Variants in B3GALT1 observed in about 807,000 individuals in gnomAD.
The protein encoded by B3GALT1 is beta-1,3-galactosyltransferase 1.
A neutral mutation model predicts 23.2 loss-of-function variants in B3GALT1; 10 were observed. The observed-to-expected ratio is 0.43, with a 90% confidence interval of 0.27 to 0.73. The LOEUF is 0.73. Among genes scored for constraint, B3GALT1 ranks in the 30% least tolerant of loss-of-function variants. B3GALT1 has a pLI of 0.21. For missense variants in B3GALT1, 299 were observed against 405.4 expected, an observed-to-expected ratio of 0.74 and a Z score of 2.25; for synonymous variants, 156 against 141.5, an observed-to-expected ratio of 1.10 and a Z score of -0.73.
chr2:167,647,409 A>C (rs1484738050), intron 3 of B3GALT1, among the ~76,000 whole-genome samples: 1 of 152,172 alleles, frequency 6.6e-6, no homozygotes, highest in Admixed American at 6.5e-5. Context: ...CATTTCTCTC[A>C]TCCCATAAGT....
intron 3 of B3GALT1, among the ~76,000 whole-genome samples, chr2:167,685,971 T>C (rs1409687358): frequency 6.6e-6 from 1 of 152,220 alleles, no homozygotes; most frequent in African/African-American, 2.4e-5. Context: ...TATTATTGGT[T>C]TGCTTTACTG....
intron 2 of B3GALT1, among the ~76,000 whole-genome samples, chr2:167,624,918 A>G (rs985978177): frequency 5.3e-5 from 8 of 152,004 alleles, no homozygotes; most frequent in East Asian, 1.9e-4. Flanking sequence ...AGATTGGTCA[A>G]TTCTAACTGA....
chr2:167,619,305 AC>A (rs1457208055), intron 2 of B3GALT1, among the ~76,000 whole-genome samples: 1 of 151,868 alleles, frequency 6.6e-6, no homozygotes, highest in East Asian at 1.9e-4. Flanking sequence ...TTACTCTCTA[AC>A]ACATATCACA....
intron 2 of B3GALT1, among the ~76,000 whole-genome samples, chr2:167,560,625 T>G (rs1442853383): frequency 2.7e-5 from 4 of 150,712 alleles, no homozygotes; most frequent in Non-Finnish European, 5.9e-5. Context: ...ACCAAGCAAA[T>G]GGAAAACAAA....
At chr2:167,350,000 A>G (rs1328041960) in intron 1 of B3GALT1, among the ~76,000 whole-genome samples, 1 of 152,244 alleles carries the variant, frequency 6.6e-6, no homozygotes, top group Non-Finnish European at 1.5e-5. Flanking sequence ...ACGTTTTATA[A>G]AAGGTCTGAT....
rs549441967 is a variant in B3GALT1, at chr2:167,811,496, A to G, written c.-351-7176A>G. Among the ~76,000 whole-genome samples, 3 of 152,320 alleles carry G rather than the reference A, an allele frequency of 2.0e-5. No homozygotes were observed. In the East Asian group the frequency reaches 5.8e-4, roughly 29 times the overall value. On this transcript the variant is annotated intron_variant, in intron 3 of 4. Transcript: ENST00000392690. ...CTCATCAATAAAAACCTATGGTGAG[A>G]AAAGAACTTTATGCTTCAGAGGAAA... is the stretch of plus-strand genomic sequence containing the variant.
At chr2:167,682,851 T>C (rs1340533670) in intron 3 of B3GALT1, among the ~76,000 whole-genome samples, 1 of 152,212 alleles carries the variant, frequency 6.6e-6, no homozygotes, top group Non-Finnish European at 1.5e-5. Context: ...AAGAAGGAAA[T>C]AATATGTATA....
intron 2 of B3GALT1, among the ~76,000 whole-genome samples, chr2:167,578,285 A>G (rs988843): frequency 0.11 from 16,395 of 151,960 alleles, 1,909 homozygotes; most frequent in African/African-American, 0.29. Context: ...TCCTGATTAC[A>G]GATGTGAAAA....
intron 3 of B3GALT1, among the ~76,000 whole-genome samples, chr2:167,805,460 G>C (rs548501710): frequency 1.3e-5 from 2 of 152,246 alleles, no homozygotes; most frequent in African/African-American, 4.8e-5. Flanking sequence ...TATGGTTTTA[G>C]GTCTAACATT....
chr2:167,327,034 T>A (rs1696907302), intron 1 of B3GALT1, among the ~76,000 whole-genome samples: 1 of 152,104 alleles, frequency 6.6e-6, no homozygotes, highest in Admixed American at 6.5e-5. Context: ...CAATGTATGT[T>A]CTTGACAGGT....
At chr2:167,842,423 T>C (rs113567347) in intron 4 of B3GALT1, among the ~76,000 whole-genome samples, 3 of 152,346 alleles carry the variant, frequency 2.0e-5, no homozygotes, top group African/African-American at 7.2e-5. Flanking sequence ...TATACTGAAA[T>C]AAATCGTAAG....
At chr2:167,597,306 G>A (rs1217894556) in intron 2 of B3GALT1, among the ~76,000 whole-genome samples, 2 of 151,690 alleles carry the variant, frequency 1.3e-5, no homozygotes, top group South Asian at 2.1e-4. Context: ...CAGTAGAGAC[G>A]GGGTTTCACC....
intron 1 of B3GALT1, among the ~76,000 whole-genome samples, chr2:167,368,615 G>A (rs1405726865): frequency 6.6e-6 from 1 of 152,104 alleles, no homozygotes; most frequent in East Asian, 1.9e-4. Context: ...GCGTAGGTCT[G>A]GTACTTTCGT....
intron 1 of B3GALT1, among the ~76,000 whole-genome samples, chr2:167,301,344 A>C (rs1559059708): frequency 6.6e-6 from 1 of 152,200 alleles, no homozygotes; most frequent in Non-Finnish European, 1.5e-5. Flanking sequence ...AGAGGAAATG[A>C]TGAAGTCCTT....
At chr2:167,437,363 G>T (rs1392203927) in intron 1 of B3GALT1, among the ~76,000 whole-genome samples, 5 of 152,156 alleles carry the variant, frequency 3.3e-5, no homozygotes, top group African/African-American at 7.2e-5. Context: ...TGTTTAAATT[G>T]TCTTTAAGTT....
At chr2:167,339,897 G>T (rs889064231) in intron 1 of B3GALT1, among the ~76,000 whole-genome samples, 14 of 152,234 alleles carry the variant, frequency 9.2e-5, no homozygotes, top group African/African-American at 3.4e-4. Flanking sequence ...ATATGGACTA[G>T]GCCCAGAGAG....
chr2:167,687,786 A>G (rs1686641059), intron 3 of B3GALT1, among the ~76,000 whole-genome samples: 1 of 152,292 alleles, frequency 6.6e-6, no homozygotes, highest in Non-Finnish European at 1.5e-5. Flanking sequence ...GACTATTCAT[A>G]TGAGAAACAA....
At chr2:167,461,513 T>C (rs1455576610) in intron 1 of B3GALT1, among the ~76,000 whole-genome samples, 1 of 152,176 alleles carries the variant, frequency 6.6e-6, no homozygotes, top group East Asian at 1.9e-4. Flanking sequence ...TGTTTTTGAC[T>C]AATCAGAGGC....
At chr2:167,418,239 A>T (rs996813962) in intron 1 of B3GALT1, among the ~76,000 whole-genome samples, 1 of 152,184 alleles carries the variant, frequency 6.6e-6, no homozygotes, top group African/African-American at 2.4e-5. Context: ...GAAAGCTCAG[A>T]TCTCCAGAAA....
Sources: gnomAD v4.1 joint callset for allele counts (sites outside exome capture counted in the v4.1 genomes callset) on GRCh38, gnomAD v4.1.1 for gene constraint, MANE v1.5 for transcripts, NCBI Gene and HGNC (gene_info 2026-07-23, HGNC 2026-07-21) for gene names.